CEP170B: variants seen among roughly 807,000 people sequenced by gnomAD.
The protein encoded by CEP170B is centrosomal protein 170B.
CEP170B carries 55 observed loss-of-function variants against 120.6 expected under a neutral mutation model. The ratio of observed to expected loss-of-function variants is 0.46; its 90% CI spans 0.37 to 0.57. CEP170B has a LOEUF of 0.57. CEP170B is among the 20% of genes least tolerant of loss of function. The pLI is 0.00. For synonymous variants in CEP170B, 1,033 were observed against 954.5 expected, an observed-to-expected ratio of 1.08 and a Z score of -1.52; for missense variants, 2,212 against 2,253.3, an observed-to-expected ratio of 0.98 and a Z score of 0.37.
At position 104,886,533 on chromosome 14, in the gene CEP170B, C is replaced by T; in HGVS notation, c.2294C>T (p.Pro765Leu). 6.6e-7 allele frequency: 1 copy of T among 1,512,722 alleles called. No individual in the cohort carries two copies. Among genetic ancestry groups the T allele is most frequent in the African/African-American group, 1.4e-5 (1 of 72,162 alleles). The allele number at this position is 1,512,722 out of a possible 1,614,324, so 93.7% of individuals were successfully genotyped here. The change falls in exon 12 of 19, where the codon CCA (proline) becomes CTA (leucine). Residue 765 changes from proline to leucine, a missense_variant. Pro to Leu is a moderately conservative substitution (Grantham distance 98). Transcript: ENST00000414716. ...CGAGGCCCCGAGCCAGGGGTGGAGCCACAGGACAGCAGACGCAGGAGCCCC... is the reference window on the plus strand; with the variant it reads ...CGAGGCCCCGAGCCAGGGGTGGAGCTACAGGACAGCAGACGCAGGAGCCCC... Reference protein sequence around the residue: ...GGRGPEPGVEPQDSRRRSPQE... With the variant: ...GGRGPEPGVELQDSRRRSPQE...
intron 2 of CEP170B, among the ~76,000 whole-genome samples, chr14:104,873,278 C>T (rs1353656279): frequency 1.3e-5 from 1 of 76,648 alleles, no homozygotes; most frequent in Non-Finnish European, 2.3e-5. Context: ...TCAAAGGAGC[C>T]GGAAGCTGGT....
chr14:104,887,751 C>T lies in CEP170B; in HGVS notation c.3512C>T (p.Ala1171Val). The T allele has an allele frequency of 6.3e-7, 1 of 1,579,796 alleles. No homozygotes were observed. The highest frequency in any genetic ancestry group is 1.2e-5 in the South Asian group (1 of 86,708). ...AAGCTGTCACGCCTGGACATCCTGG[C>T]CATGCCCCGGAAGCGGGCCGGCTCC... The part of the protein sequence containing the change: ...AKKLSRLDIL[A>V]MPRKRAGSFT... Residue 1171 changes from alanine to valine, a missense_variant, in exon 12 of 19, where the codon GCC (alanine) becomes GTC (valine). Physicochemically the swap from Ala to Val is moderately conservative, Grantham distance 64 (BLOSUM62 0). This residue lies in a region of CEP170B where 2,166 missense variants were observed against 2,166.7 expected (regional missense o/e 1.00). Transcript: ENST00000414716.
At chr14:104,893,393 C>A in intron 14 of CEP170B, 130 bp from the exon 15 acceptor site, 1 of 1,222,854 alleles carries the variant, frequency 8.2e-7, no homozygotes, top group Non-Finnish European at 1.1e-6. Flanking sequence ...GGCAGGGGCA[C>A]AGGAGGGACC....
At chr14:104,866,662 G>C (rs1262444209) in intron 1 of CEP170B, among the ~76,000 whole-genome samples, 1 of 152,188 alleles carries the variant, frequency 6.6e-6, no homozygotes, top group Non-Finnish European at 1.5e-5. Flanking sequence ...TTTACCATGG[G>C]GCACGTGGTC....
Position 104,872,401 on chromosome 14 carries a change from G to GC in CEP170B, c.105+3847dup, listed in dbSNP as rs1282369746. Reference sequence around the variant, plus strand: ...GGGTGTGCATGTGTGCCGTGGGTGTGCGTGGGTGTGCCGTGGGTGTGCCGT... The same window carrying GC: ...GGGTGTGCATGTGTGCCGTGGGTGTGCCGTGGGTGTGCCGTGGGTGTGCCGT... On this transcript the variant is annotated intron_variant, in intron 2 of 18. Transcript: ENST00000414716. 1.5e-4 allele frequency among the ~76,000 whole-genome samples: 12 copies of GC among 78,464 alleles called. 2 individuals are homozygous for GC. In the South Asian group the frequency reaches 4.5e-3, roughly 30 times the overall value. 51.5% of individuals were successfully genotyped at this position (78,464 alleles called of 152,430 possible). A position where few individuals can be genotyped will look rare whatever the true frequency, so the allele number is the denominator to read the frequency against.
Position 104,868,694 on chromosome 14 carries a change from C to T in CEP170B, c.105+139C>T. On this transcript the variant is annotated intron_variant, in intron 2 of 18. Transcript: ENST00000414716. The surrounding 1 kb of genome is among the most constrained non-coding windows in gnomAD (Gnocchi z 5.9). Reference sequence around the variant, plus strand: ...ATGCAGCCCAGGCTGGGCCTCTTAACTTGGGTCCCGGATGCACCGAGGGCT... The same window carrying T: ...ATGCAGCCCAGGCTGGGCCTCTTAATTTGGGTCCCGGATGCACCGAGGGCT... 1.2e-6 allele frequency: 1 copy of T among 819,746 alleles called. No homozygotes were observed. The allele number at this position is 819,746 out of a possible 1,614,324, so 50.8% of individuals were successfully genotyped here.
intron 6 of CEP170B, among the ~76,000 whole-genome samples, chr14:104,880,712 A>G (rs1165432192): frequency 3.3e-5 from 5 of 149,316 alleles, no homozygotes; most frequent in Non-Finnish European, 5.9e-5. Context: ...TCTTCGTTAT[A>G]CACACCCTAC....
chr14:104,889,110 G>T (rs1370571856), intron 12 of CEP170B, among the ~76,000 whole-genome samples: 1 of 152,230 alleles, frequency 6.6e-6, no homozygotes, highest in Non-Finnish European at 1.5e-5. Context: ...GGCCTTGCTT[G>T]CGCTCTGACT....
Position 104,877,927 on chromosome 14 carries a change from A to T in CEP170B, c.238A>T (p.Thr80Ser), listed in dbSNP as rs751214627. 2 of 1,594,392 alleles carry T rather than the reference A, an allele frequency of 1.3e-6. No individual in the cohort carries two copies. Among genetic ancestry groups the T allele is most frequent in the Non-Finnish European group, 1.7e-6 (2 of 1,171,390 alleles). ...GCGCATCCCGGACCAGAAGTACGTC[A>T]CGCTGAAGCTCAACGATGTCATCCG... is the stretch of plus-strand genomic sequence containing the variant. ...DMRIPDQKYV[T>S]LKLNDVIRFG... Residue 80 changes from threonine to serine, a missense_variant, in exon 4 of 19, where the codon ACG becomes TCG. Physicochemically the swap from Thr to Ser is moderately conservative, Grantham distance 58. Coordinates refer to ENST00000414716, the MANE Select transcript of CEP170B (RefSeq NM_001112726.3).
intron 13 of CEP170B, among the ~76,000 whole-genome samples, chr14:104,892,689 C>G (rs547932187): frequency 3.5e-4 from 54 of 152,378 alleles, no homozygotes; most frequent in Non-Finnish European, 7.1e-4. Flanking sequence ...TGGCCTGCCC[C>G]AGAGCCAGCA....
At chr14:104,872,697 C>T (rs557639610) in intron 2 of CEP170B, among the ~76,000 whole-genome samples, 1 of 152,106 alleles carries the variant, frequency 6.6e-6, no homozygotes, top group Non-Finnish European at 1.5e-5. Context: ...CCCCGTGCAT[C>T]GAGCCGGTCT....
intron 12 of CEP170B, among the ~76,000 whole-genome samples, chr14:104,888,331 G>A (rs757678103): frequency 3.3e-5 from 5 of 152,188 alleles, no homozygotes; most frequent in African/African-American, 7.2e-5. Flanking sequence ...GGGTCCCCAC[G>A]CCATCTGCCC....
intron 16 of CEP170B, 164 bp from the exon 17 acceptor site, chr14:104,894,121 A>T: frequency 3.0e-6 from 2 of 672,730 alleles, no homozygotes; most frequent in South Asian, 3.6e-5. Flanking sequence ...TCAGGCACAG[A>T]TGGGACTTTG....
intron 11 of CEP170B, 34 bp from the exon 12 acceptor site, chr14:104,886,241 C>T (rs192878578): frequency 3.1e-4 from 467 of 1,483,970 alleles, no homozygotes; most frequent in Non-Finnish European, 4.0e-4. Context: ...TGCAGACCAG[C>T]GGCCCTCTAA....
rs556407994 is a variant in CEP170B, at chr14:104,866,036, C to T, written c.-28+523C>T. On this transcript the variant is annotated intron_variant, in intron 1 of 18. Transcript: ENST00000414716. Reference sequence around the variant, plus strand: ...TGCCCTTCCCTGCCCTGGGCCTAGCCACCTTTCCCCGCCTCACCTCTGACT... The same window carrying T: ...TGCCCTTCCCTGCCCTGGGCCTAGCTACCTTTCCCCGCCTCACCTCTGACT... 1.3e-4 allele frequency among the ~76,000 whole-genome samples: 20 copies of T among 152,332 alleles called. No homozygotes were observed. In the South Asian group the frequency reaches 1.7e-3, roughly 13 times the overall value.
chr14:104,879,528 C>T (rs891926800), intron 5 of CEP170B, among the ~76,000 whole-genome samples: 4 of 152,136 alleles, frequency 2.6e-5, no homozygotes, highest in Non-Finnish European at 5.9e-5. Context: ...CAAGGCCCCC[C>T]GAGTTCCTGT....
intron 2 of CEP170B, among the ~76,000 whole-genome samples, chr14:104,872,528 G>A (rs188278594): frequency 2.0e-5 from 3 of 149,416 alleles, no homozygotes; most frequent in Admixed American, 1.3e-4. Context: ...GTGCATACAT[G>A]TGCATGTCTG....
chr14:104,868,148 A>T lies in CEP170B; in HGVS notation c.-27-276A>T, dbSNP rs1476070224. On this transcript the variant is annotated intron_variant, in intron 1 of 18. Transcript: ENST00000414716. The surrounding 1 kb of genome is among the most constrained non-coding windows in gnomAD (Gnocchi z 5.9). ...CCCTGACACCTGGAAGATAGAGGAG[A>T]TGAGGTGTGCTGGGGCCTGGAGGAT... Among the ~76,000 whole-genome samples, 1 of 152,016 alleles carries T rather than the reference A, an allele frequency of 6.6e-6. No individual in the cohort carries two copies. The highest frequency in any genetic ancestry group is 1.5e-5 in the Non-Finnish European group (1 of 67,984).
At chr14:104,882,911 G>A (rs534694645) in intron 7 of CEP170B, 79 bp downstream of exon 7, 2 of 1,490,638 alleles carry the variant, frequency 1.3e-6, no homozygotes, top group South Asian at 2.5e-5. Context: ...TGGGCTTGAG[G>A]AGCCCACTCC....
Sources: gnomAD v4.1 joint callset for allele counts (sites outside exome capture counted in the v4.1 genomes callset) on GRCh38, gnomAD v4.1.1 for gene constraint, gnomAD v4.1.1 regional missense constraint, Gnocchi (gnomAD v3.1) non-coding constraint, MANE v1.5 for transcripts, NCBI Gene and HGNC (gene_info 2026-07-23, HGNC 2026-07-21) for gene names.